ARID5B: variants seen among roughly 807,000 people sequenced by gnomAD.
The protein encoded by ARID5B is AT-rich interaction domain 5B.
In ARID5B, 13 loss-of-function variants were observed where a neutral mutation model predicts 97.2. The observed-to-expected ratio is 0.13, with a 90% CI of 0.09 to 0.21. The LOEUF is 0.21. Among genes scored for constraint, ARID5B ranks in the 10% least tolerant of loss-of-function variants. The pLI, the probability that ARID5B is intolerant of heterozygous loss-of-function variation, is 1.00. For synonymous variants in ARID5B, 556 were observed against 570.3 expected, an observed-to-expected ratio of 0.97 and a Z score of 0.36; for missense variants, 1,210 against 1,465.3, an observed-to-expected ratio of 0.83 and a Z score of 2.84.
intron 3 of ARID5B, among the ~76,000 whole-genome samples, chr10:61,968,051 C>T (rs748388314): frequency 6.7e-5 from 10 of 149,696 alleles, no homozygotes; most frequent in Admixed American, 1.3e-4. Flanking sequence ...TCTTATTGTA[C>T]GGCAAGTGGG....
intron 8 of ARID5B, among the ~76,000 whole-genome samples, chr10:62,076,357 A>T (rs933649454): frequency 6.6e-6 from 1 of 152,122 alleles, no homozygotes; most frequent in Non-Finnish European, 1.5e-5. Flanking sequence ...CCTGGCCAAC[A>T]TGGTAAAACC....
intron 7 of ARID5B, among the ~76,000 whole-genome samples, chr10:62,059,795 A>G (rs570659179): frequency 1.3e-5 from 2 of 152,316 alleles, no homozygotes; most frequent in South Asian, 4.1e-4. Context: ...GAAGTTATCA[A>G]ACTTATTCGG....
chr10:61,960,208 G>A (rs1215224119), intron 3 of ARID5B, among the ~76,000 whole-genome samples: 1 of 151,994 alleles, frequency 6.6e-6, no homozygotes, highest in African/African-American at 2.4e-5. Context: ...GGAGACAATA[G>A]GTAATATTCA....
At chr10:61,982,276 T>TA (rs1293882413) in intron 3 of ARID5B, among the ~76,000 whole-genome samples, 3 of 152,116 alleles carry the variant, frequency 2.0e-5, no homozygotes, top group Middle Eastern at 3.2e-3. Context: ...GGTGATTTTT[T>TA]AAAAAAAGTC....
intron 4 of ARID5B, among the ~76,000 whole-genome samples, chr10:62,005,041 T>A (rs1589254698): frequency 6.6e-6 from 1 of 152,266 alleles, no homozygotes; most frequent in Non-Finnish European, 1.5e-5. Flanking sequence ...GTTGAAGTTG[T>A]GCTTCTGAGT....
chr10:62,073,349 G>A (rs1348001498), intron 8 of ARID5B, among the ~76,000 whole-genome samples: 1 of 152,198 alleles, frequency 6.6e-6, no homozygotes, highest in Non-Finnish European at 1.5e-5. Flanking sequence ...CAAGAAAAAT[G>A]TAGCCAGTTC....
chr10:62,024,855 A>G, intron 4 of ARID5B: 1 of 364,464 alleles, frequency 2.7e-6, no homozygotes, highest in Non-Finnish European at 4.9e-6. Context: ...CTTTTAAAAT[A>G]TCGAGAATGG....
intron 3 of ARID5B, among the ~76,000 whole-genome samples, chr10:61,946,740 G>A (rs1838243371): frequency 6.6e-6 from 1 of 152,134 alleles, no homozygotes; most frequent in Admixed American, 6.5e-5. Context: ...GGACAACATA[G>A]TGAAGCCCCA....
chr10:62,028,232 A>C (rs59720482), intron 4 of ARID5B, among the ~76,000 whole-genome samples: 2,572 of 152,276 alleles, frequency 0.017, 70 homozygotes, highest in African/African-American at 0.059. Context: ...GTTTCCTTTA[A>C]TGATGTGGGG....
At chr10:61,952,976 A>G (rs1442274791) in intron 3 of ARID5B, among the ~76,000 whole-genome samples, 1 of 152,040 alleles carries the variant, frequency 6.6e-6, no homozygotes, top group Non-Finnish European at 1.5e-5. Flanking sequence ...GAATAAATCC[A>G]GATTGGACTT....
At chr10:61,992,189 A>G (rs984293244) in intron 3 of ARID5B, among the ~76,000 whole-genome samples, 6 of 152,190 alleles carry the variant, frequency 3.9e-5, no homozygotes, top group African/African-American at 1.4e-4. Flanking sequence ...CCTGTTGCAT[A>G]ATCCCTGTCT....
At position 62,095,889 on chromosome 10, in the gene ARID5B, A is replaced by G. The variant is rs1158524193; in HGVS notation, c.*2859A>G. On this transcript the variant is annotated 3_prime_UTR_variant, in exon 10 of 10. Coordinates refer to ENST00000279873, the MANE Select transcript of ARID5B (RefSeq NM_032199.3). ...GAATCGAATTGGCAGTGGAGTCATA[A>G]ATCTATTTACTGAGTGTGGCTTCCA... The G allele has an allele frequency of 8.7e-6, 2 of 230,664 alleles. No individual in the cohort carries two copies. Among genetic ancestry groups the G allele is most frequent in the Non-Finnish European group, 1.7e-5 (2 of 116,218 alleles). 14.3% of individuals were successfully genotyped at this position (230,664 alleles called of 1,614,324 possible).
At chr10:62,055,961 C>T (rs1431064423) in intron 5 of ARID5B, among the ~76,000 whole-genome samples, 1 of 152,120 alleles carries the variant, frequency 6.6e-6, no homozygotes, top group South Asian at 2.1e-4. Flanking sequence ...TAACATTTCC[C>T]CAGCACTTGC....
At chr10:61,902,039 T>A in intron 1 of ARID5B, 120 bp from the exon 2 acceptor site, 1 of 1,202,814 alleles carries the variant, frequency 8.3e-7, no homozygotes, top group African/African-American at 1.5e-5. Context: ...CACCCAGCGT[T>A]ATATCTGTTG....
chr10:61,980,813 G>C (rs1564619000), intron 3 of ARID5B, among the ~76,000 whole-genome samples: 1 of 152,162 alleles, frequency 6.6e-6, no homozygotes, highest in East Asian at 1.9e-4. Flanking sequence ...CCCTGAACAG[G>C]AATGGAGAGG....
intron 4 of ARID5B, among the ~76,000 whole-genome samples, chr10:62,008,262 CCT>C (rs1160320905): frequency 1.3e-5 from 2 of 152,092 alleles, no homozygotes; most frequent in Admixed American, 1.3e-4. Flanking sequence ...ATTGCTATCC[CCT>C]GTTTCACAGA....
chr10:62,057,079 T>C, intron 5 of ARID5B, 38 bp from the exon 6 acceptor site: 1 of 1,602,160 alleles, frequency 6.2e-7, no homozygotes, highest in Non-Finnish European at 8.5e-7. Flanking sequence ...ATCCTGGGGC[T>C]GTGCCTCGTC....
At chr10:61,986,040 A>C (rs1838842599) in intron 3 of ARID5B, among the ~76,000 whole-genome samples, 1 of 152,118 alleles carries the variant, frequency 6.6e-6, no homozygotes, top group Non-Finnish European at 1.5e-5. Context: ...AGAATTCTCA[A>C]AGCCACCAGC....
chr10:61,901,981 T>G (rs547655549), intron 1 of ARID5B, among the ~76,000 whole-genome samples, 178 bp from the exon 2 acceptor site: 3 of 151,432 alleles, frequency 2.0e-5, no homozygotes, highest in South Asian at 4.2e-4. Flanking sequence ...GAGTTTTTTT[T>G]TTTTTTTTTT....
Sources: allele counts gnomAD v4.1 joint callset (sites outside exome capture counted in the v4.1 genomes callset), GRCh38; gene constraint gnomAD v4.1.1; transcripts MANE v1.5; gene names NCBI Gene and HGNC (gene_info 2026-07-23, HGNC 2026-07-21).